The following ERI1 variants were observed in gnomAD, a reference collection of about 807,000 sequenced individuals.
ERI1 encodes the protein exoribonuclease 1.
Under a neutral mutation model 39.7 loss-of-function variants are expected in ERI1, and 39 were observed. The ratio of observed to expected loss-of-function variants is 0.98; its 90% CI spans 0.76 to 1.28. The LOEUF (loss-of-function observed/expected upper bound fraction) is 1.28. Among genes scored for constraint, ERI1 ranks in the 50% most tolerant of loss-of-function variants. The probability of loss-of-function intolerance (pLI) is 0.00; values close to 1 mark genes in which losing one functional copy is unlikely to be tolerated. For missense variants in ERI1, 581 were observed against 416.9 expected (o/e 1.39, Z -3.43); for synonymous variants, 204 against 149.6 (o/e 1.36, Z -2.65).
intron 3 of ERI1, among the ~76,000 whole-genome samples, chr8:9,013,503 C>G (rs1816896446): frequency 6.6e-6 from 1 of 151,898 alleles, no homozygotes; most frequent in Non-Finnish European, 1.5e-5. Context: ...ATCAGATGAC[C>G]CAGGTCTCAA....
intron 3 of ERI1, 59 bp downstream of exon 3, chr8:9,011,811 G>A: frequency 7.7e-7 from 1 of 1,305,606 alleles, no homozygotes; most frequent in South Asian, 1.5e-5. Flanking sequence ...GGTGTTTACT[G>A]GTTATGTGGA....
intron 3 of ERI1, among the ~76,000 whole-genome samples, chr8:9,072,778 C>T (rs996783665): frequency 5.1e-4 from 78 of 152,238 alleles, no homozygotes; most frequent in African/African-American, 1.8e-3. Flanking sequence ...ACCCCCCACC[C>T]CACTCCCGAC....
At chr8:9,021,198 T>G (rs535248217) in intron 6 of ERI1, among the ~76,000 whole-genome samples, 5 of 152,336 alleles carry the variant, frequency 3.3e-5, no homozygotes, top group African/African-American at 1.2e-4. Flanking sequence ...CGCGGTTGTT[T>G]ACTTATCCCC....
At chr8:9,090,119 G>A (rs1205762872) in intron 3 of ERI1, among the ~76,000 whole-genome samples, 1 of 152,164 alleles carries the variant, frequency 6.6e-6, no homozygotes, top group Non-Finnish European at 1.5e-5. Context: ...CCAAGAGCCA[G>A]TAATGAAAAT....
chr8:9,049,285 G>C (rs974813925), intron 3 of ERI1, among the ~76,000 whole-genome samples: 1 of 130,570 alleles, frequency 7.7e-6, no homozygotes, highest in Non-Finnish European at 1.5e-5. Context: ...GCAGTGAGCC[G>C]AGAGCACGCC....
chr8:9,038,732 A>G (rs1257589046), intron 3 of ERI1, among the ~76,000 whole-genome samples: 1 of 152,182 alleles, frequency 6.6e-6, no homozygotes, highest in African/African-American at 2.4e-5. Context: ...GACCGTAAGG[A>G]TGTGTGAAGT....
chr8:9,003,091 G>T lies in ERI1; in HGVS notation c.28G>T (p.Ala10Ser), dbSNP rs1048766011. The change falls in exon 1 of 7, where the codon GCC (alanine) becomes TCC (serine). Residue 10 changes from alanine to serine, a missense_variant. Coordinates refer to ENST00000250263, the MANE Select transcript of ERI1 (RefSeq NM_153332.4). Reference protein sequence around the residue: MEDPQSKEPAGEAVALALLE... With the variant: MEDPQSKEPSGEAVALALLE... ...GGAGGATCCACAGAGTAAAGAGCCT[G>T]CCGGCGAGGCCGTGGCTCTCGCGCT... 55 of 1,247,636 alleles carry T rather than the reference G, an allele frequency of 4.4e-5. No homozygotes were observed. Among genetic ancestry groups the T allele is most frequent in the Non-Finnish European group, 5.3e-5 (52 of 989,302 alleles). 77.3% of individuals were successfully genotyped at this position (1,247,636 alleles called of 1,614,324 possible).
chr8:9,006,497 T>A (rs1304651626), intron 1 of ERI1, among the ~76,000 whole-genome samples: 2 of 152,244 alleles, frequency 1.3e-5, no homozygotes, highest in Non-Finnish European at 2.9e-5. Flanking sequence ...AAACTGTTAC[T>A]TAATGTTGAC....
chr8:9,076,635 T>A lies in ERI1; in HGVS notation n.300-39713T>A, dbSNP rs184745017. On this transcript the variant is annotated intron_variant and non_coding_transcript_variant, in intron 3 of 3. Transcript: ENST00000518663. The stretch of plus-strand genomic sequence containing the variant: ...TTATCCATTGCCTTTGGTAATACCA[T>A]GTGCTTCTCTTTCTGTGGGAGAAAC... 2.2e-3 allele frequency among the ~76,000 whole-genome samples: 328 copies of A among 152,336 alleles called. 1 individual carries two copies. The highest frequency in any genetic ancestry group is 7.4e-3 in the African/African-American group (309 of 41,568).
In ERI1 at chr8:9,031,469, C is replaced by G. The variant is rs1031934823; in HGVS notation, c.*1435C>G. 2 of 152,122 alleles carry G rather than the reference C, an allele frequency of 1.3e-5. No homozygotes were observed. The highest frequency in any genetic ancestry group is 2.9e-5 in the Non-Finnish European group (2 of 68,026). 9.4% of individuals were successfully genotyped at this position (152,122 alleles called of 1,614,324 possible). A position where few individuals can be genotyped will look rare whatever the true frequency, so the allele number is the denominator to read the frequency against. On this transcript the variant is annotated 3_prime_UTR_variant, in exon 7 of 7. Transcript: ENST00000250263. ...ACAGATTATAGTAAAATAAGGAAAT[C>G]TAAGTGCTTTAAGTTTATACAGTTA...
At chr8:9,062,279 G>C (rs1163667998) in intron 3 of ERI1, among the ~76,000 whole-genome samples, 1 of 151,980 alleles carries the variant, frequency 6.6e-6, no homozygotes, top group African/African-American at 2.4e-5. Flanking sequence ...TCTTATACTT[G>C]TGGGTTAAGG....
chr8:9,040,336 A>G (rs1209476764), intron 3 of ERI1, among the ~76,000 whole-genome samples: 1 of 152,214 alleles, frequency 6.6e-6, no homozygotes, highest in Non-Finnish European at 1.5e-5. Flanking sequence ...GAACGGGGAA[A>G]GTCACAAAGC....
chr8:9,043,919 T>G (rs1410675970), intron 3 of ERI1, among the ~76,000 whole-genome samples: 1 of 152,174 alleles, frequency 6.6e-6, no homozygotes, highest in Admixed American at 6.6e-5. Context: ...CAGGGAAAGA[T>G]AGTTAACAAT....
chr8:9,063,381 A>T lies in ERI1; in HGVS notation n.299+42917A>T, dbSNP rs146327674. Among the ~76,000 whole-genome samples the T allele has an allele frequency of 7.9e-3, 1,208 of 152,240 alleles. 13 individuals are homozygous for T. Among genetic ancestry groups the T allele is most frequent in the African/African-American group, 0.027 (1,110 of 41,534 alleles). ...TAGCTCCAGCCACCTTTTTAAGAGG[A>T]AATTGCTGGGCAGGTGGGGGAGGGC... is the stretch of plus-strand genomic sequence containing the variant. On this transcript the variant is annotated intron_variant and non_coding_transcript_variant, in intron 3 of 3. Coordinates refer to the ERI1 transcript ENST00000518663.
At chr8:9,085,635 C>T (rs183439283) in intron 3 of ERI1, among the ~76,000 whole-genome samples, 174 of 151,748 alleles carry the variant, frequency 1.1e-3, no homozygotes, top group African/African-American at 4.1e-3. Context: ...CTGTAATGGC[C>T]CACAAAGCCT....
chr8:9,028,858 A>C (rs1198850281), intron 6 of ERI1, among the ~76,000 whole-genome samples: 1 of 152,006 alleles, frequency 6.6e-6, no homozygotes, highest in African/African-American at 2.4e-5. Flanking sequence ...TCCTGACCTC[A>C]GGTGATCCAC....
intron 3 of ERI1, among the ~76,000 whole-genome samples, chr8:9,048,016 A>G (rs1431005339): frequency 6.6e-6 from 1 of 152,178 alleles, no homozygotes; most frequent in East Asian, 1.9e-4. Flanking sequence ...CAAGGCCACA[A>G]AGCCAGTAAG....
At chr8:9,033,871 T>A (rs936893400), downstream of ERI1, among the ~76,000 whole-genome samples, 1 of 152,242 alleles carries the variant, frequency 6.6e-6, no homozygotes, top group East Asian at 1.9e-4. Flanking sequence ...CTGTATGGTT[T>A]AAACTAGACA....
At chr8:9,057,959 AG>A (rs1798562690) in intron 3 of ERI1, among the ~76,000 whole-genome samples, 1 of 152,158 alleles carries the variant, frequency 6.6e-6, no homozygotes, top group African/African-American at 2.4e-5. Flanking sequence ...AGAGAAGTCC[AG>A]GGGGTGGATC....
Sources: gnomAD v4.1 joint callset for allele counts (sites outside exome capture counted in the v4.1 genomes callset) on GRCh38, gnomAD v4.1.1 for gene constraint, MANE v1.5 for transcripts, NCBI Gene and HGNC (gene_info 2026-07-23, HGNC 2026-07-21) for gene names.